The following PES1 variants were observed in gnomAD, a reference collection of about 807,000 sequenced individuals.
PES1 encodes the protein pescadillo ribosomal biogenesis factor 1.
In PES1, 31 loss-of-function variants were observed where a neutral mutation model predicts 77.1. That is an observed-to-expected ratio of 0.40 (90% CI 0.30 to 0.54). The LOEUF (loss-of-function observed/expected upper bound fraction) is 0.54. Among genes scored for constraint, PES1 ranks in the 20% least tolerant of loss-of-function variants. The pLI is 0.45. For synonymous variants in PES1, 282 were observed against 303.0 expected (o/e 0.93, Z 0.72); for missense variants, 658 against 771.7 (o/e 0.85, Z 1.75).
chr22:30,584,355 GCA>G lies in PES1; in HGVS notation c.630+8_630+9del. The G allele has an allele frequency of 6.3e-7, 1 of 1,599,602 alleles. No homozygotes were observed. The highest frequency in any genetic ancestry group is 2.3e-5 in the East Asian group (1 of 44,420). On this transcript the variant is annotated splice_region_variant and intron_variant, in intron 6 of 14. Transcript: ENST00000354694. ...GCACAAGCCCGTCCCCTCCCGACAG[GCA>G]CACTCACGTCATGGGAGAAGGCATA... is the stretch of plus-strand genomic sequence containing the variant.
intron 2 of PES1, among the ~76,000 whole-genome samples, chr22:30,599,969 G>A (rs1602029892): frequency 6.6e-6 from 1 of 152,300 alleles, no homozygotes; most frequent in Non-Finnish European, 1.5e-5. Flanking sequence ...CAATTGTCAT[G>A]TAATTTAAAA....
Position 30,576,921 on chromosome 22 carries a change from C to A in PES1, c.*125G>T. Reference sequence around the variant, plus strand: ...GGCCCAGCCAGAGAGCATGAGGGGTCAGGGCTGGCTGGAGAAAGGAGGAGG... The same window carrying A: ...GGCCCAGCCAGAGAGCATGAGGGGTAAGGGCTGGCTGGAGAAAGGAGGAGG... On this transcript the variant is annotated 3_prime_UTR_variant, in exon 15 of 15. Coordinates refer to ENST00000354694, the MANE Select transcript of PES1 (RefSeq NM_014303.4). 3.7e-6 allele frequency: 3 copies of A among 814,000 alleles called. No homozygotes were observed. The highest frequency in any genetic ancestry group is 6.3e-6 in the Non-Finnish European group (3 of 478,634). The allele number at this position is 814,000 out of a possible 1,614,324, so 50.4% of individuals were successfully genotyped here. A position where few individuals can be genotyped will look rare whatever the true frequency, so the allele number is the denominator to read the frequency against.
At chr22:30,590,482 C>T (rs2087160290) in intron 1 of PES1, among the ~76,000 whole-genome samples, 1 of 152,134 alleles carries the variant, frequency 6.6e-6, no homozygotes, top group Admixed American at 6.6e-5. Context: ...CATTAATTGT[C>T]TATTAGGTAT....
intron 2 of PES1, among the ~76,000 whole-genome samples, chr22:30,603,607 C>T (rs1249108465): frequency 1.3e-5 from 2 of 152,046 alleles, no homozygotes; most frequent in African/African-American, 2.4e-5. Context: ...GTCTCGAACT[C>T]CTGACCTCAG....
intron 2 of PES1, among the ~76,000 whole-genome samples, chr22:30,601,594 G>A (rs1280288523): frequency 8.6e-5 from 13 of 152,034 alleles, no homozygotes; most frequent in Non-Finnish European, 1.5e-4. Context: ...GATTACAGGC[G>A]TAAGCCACTG....
chr22:30,592,457 A>G (rs889046561), upstream of PES1: 14 of 963,888 alleles, frequency 1.5e-5, no homozygotes, highest in Non-Finnish European at 1.6e-5. Context: ...CCTAGAGGCC[A>G]CTTATATTTT....
At chr22:30,592,759 TG>T (rs2087202544), upstream of PES1, among the ~76,000 whole-genome samples, 1 of 152,222 alleles carries the variant, frequency 6.6e-6, no homozygotes, top group Non-Finnish European at 1.5e-5. Context: ...ATCTTGCCAC[TG>T]CACTCCAGCC....
chr22:30,600,945 C>T (rs1181256602), intron 2 of PES1, among the ~76,000 whole-genome samples: 4 of 152,044 alleles, frequency 2.6e-5, no homozygotes, highest in Non-Finnish European at 5.9e-5. Context: ...ATCTCTCTCT[C>T]TTAAGGTAAT....
At chr22:30,580,426 A>G (rs1350103754) in intron 10 of PES1, 145 bp downstream of exon 10, 1 of 1,166,542 alleles carries the variant, frequency 8.6e-7, no homozygotes, top group Admixed American at 2.1e-5. Context: ...CTATGTGCTC[A>G]GTGCGGTGCC....
At chr22:30,592,775 C>T (rs12484511), upstream of PES1, among the ~76,000 whole-genome samples, 11,436 of 152,050 alleles carry the variant, frequency 0.075, 592 homozygotes, top group Admixed American at 0.12. Context: ...CCAGCCTGGG[C>T]GACAGAGTGA....
At chr22:30,581,476 A>T in intron 7 of PES1, 52 bp downstream of exon 7, 3 of 1,603,472 alleles carry the variant, frequency 1.9e-6, no homozygotes, top group Non-Finnish European at 2.6e-6. Context: ...GTGGACAGAG[A>T]AGGGCTGTGG....
chr22:30,598,074 G>A (rs2087291451), intron 2 of PES1, among the ~76,000 whole-genome samples: 1 of 151,682 alleles, frequency 6.6e-6, no homozygotes, highest in Non-Finnish European at 1.5e-5. Context: ...TAGTAGAGAC[G>A]GGGTTTCACC....
At chr22:30,598,925 C>A (rs1490848923) in intron 2 of PES1, among the ~76,000 whole-genome samples, 1 of 24,770 alleles carries the variant, frequency 4.0e-5, no homozygotes, top group South Asian at 1.2e-3. Context: ...GAGATGGAGT[C>A]CTGCTCTGTC....
At chr22:30,593,943 T>A (rs1233912058), upstream of PES1, among the ~76,000 whole-genome samples, 4 of 152,154 alleles carry the variant, frequency 2.6e-5, no homozygotes, top group African/African-American at 9.7e-5. Context: ...AGAAAGAATG[T>A]TATGTGACTC....
At chr22:30,600,934 G>C (rs764129259) in intron 2 of PES1, among the ~76,000 whole-genome samples, 3 of 151,984 alleles carry the variant, frequency 2.0e-5, no homozygotes, top group African/African-American at 7.3e-5. Context: ...TGGCTGGATC[G>C]ATCTCTCTCT....
intron 2 of PES1, among the ~76,000 whole-genome samples, chr22:30,600,771 C>T (rs949866300): frequency 2.6e-4 from 39 of 152,194 alleles, no homozygotes; most frequent in Admixed American, 2.0e-3. Context: ...GCCGAGATCG[C>T]GTCACTGCAC....
At chr22:30,601,494 A>T (rs990503844) in intron 2 of PES1, among the ~76,000 whole-genome samples, 1 of 151,400 alleles carries the variant, frequency 6.6e-6, no homozygotes, top group African/African-American at 2.4e-5. Context: ...TGTATTTTTA[A>T]TACAGACAGG....
intron 6 of PES1, among the ~76,000 whole-genome samples, chr22:30,582,272 G>C (rs572472109): frequency 1.3e-5 from 2 of 152,346 alleles, no homozygotes; most frequent in Admixed American, 6.5e-5. Flanking sequence ...CCTTGGGATG[G>C]ACACTCAGAA....
At position 30,581,535 on chromosome 22, in the gene PES1, G is replaced by C. The variant is rs763922475; in HGVS notation, c.740C>G (p.Pro247Arg). 44 of 1,613,200 alleles carry C rather than the reference G, an allele frequency of 2.7e-5. No individual in the cohort carries two copies. Among genetic ancestry groups the C allele is most frequent in the Non-Finnish European group, 3.6e-5 (43 of 1,179,514 alleles). Residue 247 changes from proline to arginine, a missense_variant, in exon 7 of 15, where the codon CCC becomes CGC. Coordinates refer to ENST00000354694, the MANE Select transcript of PES1 (RefSeq NM_014303.4). ...RLYQLLNLHYPPKLEGQAQAE... is the reference protein window; with the variant it reads ...RLYQLLNLHYRPKLEGQAQAE... Reference sequence around the variant, plus strand: ...ACTGGGCTGGGGTCCTACCTTCGGGGGATAGTGGAGGTTGAGCAACTGGTA... The same window carrying C: ...ACTGGGCTGGGGTCCTACCTTCGGGCGATAGTGGAGGTTGAGCAACTGGTA...
Sources: allele counts gnomAD v4.1 joint callset (sites outside exome capture counted in the v4.1 genomes callset), GRCh38; gene constraint gnomAD v4.1.1; transcripts MANE v1.5; gene names NCBI Gene and HGNC (gene_info 2026-07-23, HGNC 2026-07-21).